FCGRT: variants seen among roughly 807,000 people sequenced by gnomAD.
FCGRT encodes the protein Fc gamma receptor and transporter.
Under a neutral mutation model 35.7 loss-of-function variants are expected in FCGRT, and 13 were observed. The ratio of observed to expected loss-of-function variants is 0.36; its 90% CI spans 0.24 to 0.58. The LOEUF (loss-of-function observed/expected upper bound fraction) is 0.58, where lower values mean the gene tolerates loss of function less well. FCGRT is among the 20% of genes least tolerant of loss of function. The pLI is 0.77. For missense variants in FCGRT, 455 were observed against 474.9 expected (o/e 0.96, Z 0.39); for synonymous variants, 233 against 216.5 (o/e 1.08, Z -0.67).
rs570151737 is a variant in FCGRT, at chr19:49,523,888, T to C, written c.602-619T>C. On this transcript the variant is annotated intron_variant, in intron 4 of 6. Transcript: ENST00000221466. ...AAAAAAAAAAAAATTTAAATAGTTA[T>C]AGGACTACAGACGTTTTAAATTTCC... Among the ~76,000 whole-genome samples, 6 of 151,766 alleles carry C rather than the reference T, an allele frequency of 4.0e-5. No individual in the cohort carries two copies. In the South Asian group the frequency reaches 8.3e-4, roughly 21 times the overall value.
rs542511062 is a variant in FCGRT, at chr19:49,519,042, C to T, written c.601+4556C>T. On this transcript the variant is annotated intron_variant, in intron 4 of 6. Transcript: ENST00000221466. The stretch of plus-strand genomic sequence containing the variant: ...TATTTTTAGTAGAGACAGAGTTTCA[C>T]TGTGTTAGGCAGGATGGTCTCGATC... Among the ~76,000 whole-genome samples, 11 of 151,184 alleles carry T rather than the reference C, an allele frequency of 7.3e-5. No individual in the cohort carries two copies. The East Asian group carries it at 2.2e-3, about 30-fold the overall frequency.
In FCGRT at chr19:49,526,383, G is replaced by A. The variant is rs957232259; in HGVS notation, c.*264G>A. ...GGCAGGGGAGGTAAGGGAATAAGTCGGGGGACTGAATGGCGGCTGGGCCTC... is the reference window on the plus strand; with the variant it reads ...GGCAGGGGAGGTAAGGGAATAAGTCAGGGGACTGAATGGCGGCTGGGCCTC... On this transcript the variant is annotated 3_prime_UTR_variant, in exon 7 of 7. Coordinates refer to ENST00000221466, the MANE Select transcript of FCGRT (RefSeq NM_001136019.3). 34 of 492,436 alleles carry A rather than the reference G, an allele frequency of 6.9e-5. No individual in the cohort carries two copies. Among genetic ancestry groups the A allele is most frequent in the African/African-American group, 5.5e-4 (28 of 50,708 alleles). 30.5% of individuals were successfully genotyped at this position (492,436 alleles called of 1,614,324 possible).
At chr19:49,515,942 C>T (rs535713366) in intron 4 of FCGRT, among the ~76,000 whole-genome samples, 35 of 152,326 alleles carry the variant, frequency 2.3e-4, no homozygotes, top group Non-Finnish European at 1.3e-4. Context: ...ATATCACTTC[C>T]TCTGAGAAGC....
chr19:49,520,492 T>C (rs747857189), intron 4 of FCGRT, among the ~76,000 whole-genome samples: 8 of 151,934 alleles, frequency 5.3e-5, no homozygotes, highest in Non-Finnish European at 1.2e-4. Flanking sequence ...ACTACAGGCA[T>C]GCGCTGCCAT....
In FCGRT at chr19:49,525,531, G is replaced by A; in HGVS notation, c.946G>A (p.Gly316Arg). 6.2e-7 allele frequency: 1 copy of A among 1,613,786 alleles called. No individual in the cohort carries two copies. The highest frequency in any genetic ancestry group is 8.5e-7 in the Non-Finnish European group (1 of 1,179,986). The change falls in exon 6 of 7, where the codon GGA becomes AGA. Residue 316 changes from glycine (G) to arginine (R), a missense_variant. Gly to Arg is a moderately radical substitution (Grantham distance 125). Coordinates refer to ENST00000221466, the MANE Select transcript of FCGRT (RefSeq NM_001136019.3). ...CTTGCTACTCACGGCAGCGGCTGTA[G>A]GAGGAGCTCTGTTGTGGAGAAGGAT... ...GVLLLTAAAV[G>R]GALLWRRMRS... is the part of the protein sequence containing the mutation.
At chr19:49,523,277 AT>A (rs1280526173) in intron 4 of FCGRT, among the ~76,000 whole-genome samples, 3 of 152,106 alleles carry the variant, frequency 2.0e-5, no homozygotes, top group South Asian at 2.1e-4. Context: ...TGGATTAAAA[AT>A]TTTAAATAGG....
rs558501032 is a variant in FCGRT, at chr19:49,514,604, C to A, written c.601+118C>A. 3.3e-5 allele frequency: 34 copies of A among 1,018,518 alleles called. 1 individual carries two copies. Among genetic ancestry groups the A allele is most frequent in the Non-Finnish European group, 4.6e-5 (33 of 724,088 alleles). The allele number at this position is 1,018,518 out of a possible 1,614,324, so 63.1% of individuals were successfully genotyped here. ...CCACTGCAGCCCACGCTCTGCCCCCCCATTCCTCAGGGGTCCTTCTACACT... is the reference window on the plus strand; with the variant it reads ...CCACTGCAGCCCACGCTCTGCCCCCACATTCCTCAGGGGTCCTTCTACACT... On this transcript the variant is annotated intron_variant, in intron 4 of 6. Transcript: ENST00000221466.
intron 4 of FCGRT, among the ~76,000 whole-genome samples, chr19:49,523,106 G>T (rs1007130981): frequency 1.6e-4 from 24 of 152,024 alleles, no homozygotes; most frequent in Admixed American, 5.2e-4. Context: ...GTGCTTTGTT[G>T]TCAAGATGAT....
intron 4 of FCGRT, among the ~76,000 whole-genome samples, chr19:49,520,033 A>G (rs1002625421): frequency 3.4e-5 from 5 of 146,448 alleles, no homozygotes; most frequent in African/African-American, 5.1e-5. Flanking sequence ...GGGTTTCACT[A>G]TGTTGGGCAG....
In FCGRT at chr19:49,524,058, G is replaced by A. The variant is rs145313705; in HGVS notation, c.602-449G>A. On this transcript the variant is annotated intron_variant, in intron 4 of 6. Coordinates refer to ENST00000221466, the MANE Select transcript of FCGRT (RefSeq NM_001136019.3). ...TTCTGAGACGGGGTCTCACTCTGTCGCCCAGGCTGGAGTGCAGTGGCACGA... is the reference window on the plus strand; with the variant it reads ...TTCTGAGACGGGGTCTCACTCTGTCACCCAGGCTGGAGTGCAGTGGCACGA... Among the ~76,000 whole-genome samples, 933 of 144,182 alleles carry A rather than the reference G, an allele frequency of 6.5e-3. 8 individuals are homozygous for A. The highest frequency in any genetic ancestry group is 0.023 in the African/African-American group (889 of 38,838). The allele number at this position is 144,182 out of a possible 152,430, so 94.6% of individuals were successfully genotyped here.
At chr19:49,522,770 C>CTTTTTTTTTTTTTTT (rs746958247) in intron 4 of FCGRT, among the ~76,000 whole-genome samples, 1 of 66,626 alleles carries the variant, frequency 1.5e-5, no homozygotes. Flanking sequence ...CTTAAGCTCT[C>CTTTTTTTTTTTTTTT]TTTTTTTTTT....
chr19:49,517,095 G>T (rs1189590859), intron 4 of FCGRT, among the ~76,000 whole-genome samples: 1 of 152,100 alleles, frequency 6.6e-6, no homozygotes, highest in Non-Finnish European at 1.5e-5. Context: ...GGAGGCTATG[G>T]CAGGAGGATC....
rs779118203 is a variant in FCGRT at position 49,526,103 on chromosome 19, T to C, written c.1082T>C (p.Ile361Thr). The change falls in exon 7 of 7, where the codon ATT (isoleucine) becomes ACT (threonine). Residue 361 changes from isoleucine to threonine, a missense_variant. This residue lies in a region of FCGRT where 312 missense variants were observed against 296.1 expected (regional missense o/e 1.05). Transcript: ENST00000221466. ...QDADLKDVNV[I>T]PATA is the part of the protein sequence containing the mutation. The stretch of plus-strand genomic sequence containing the variant: ...GCTGATTTGAAGGATGTAAATGTGA[T>C]TCCAGCCACCGCCTGACCATCCGCC... 3 of 1,611,872 alleles carry C rather than the reference T, an allele frequency of 1.9e-6. No individual in the cohort carries two copies. In the Admixed American group the frequency reaches 5.0e-5, roughly 27 times the overall value.
At position 49,514,707 on chromosome 19, in the gene FCGRT, T is replaced by G. The variant is rs868365606; in HGVS notation, c.601+221T>G. On this transcript the variant is annotated intron_variant, in intron 4 of 6. Transcript: ENST00000221466. Reference sequence around the variant, plus strand: ...CCTTGCCTTCTTTTTTTTTTTTTTTTTGTGAGACGGAGTTTCGCTCTTGTT... The same window carrying G: ...CCTTGCCTTCTTTTTTTTTTTTTTTGTGTGAGACGGAGTTTCGCTCTTGTT... Among the ~76,000 whole-genome samples, 917 of 150,626 alleles carry G rather than the reference T, an allele frequency of 6.1e-3. 4 individuals are homozygous for G. The highest frequency in any genetic ancestry group is 0.021 in the Middle Eastern group (6 of 292).
chr19:49,514,431 C>T lies in FCGRT; in HGVS notation c.546C>T (p.Cys182=). 2 of 1,587,312 alleles carry T rather than the reference C, an allele frequency of 1.3e-6. No homozygotes were observed. Among genetic ancestry groups the T allele is most frequent in the African/African-American group, 2.7e-5 (2 of 74,596 alleles). Residue 182 remains cysteine (C), a synonymous_variant, in exon 4 of 7, where the codon TGC becomes TGT. Transcript: ENST00000221466. The part of the protein sequence containing the change: ...NKELTFLLFS[C]PHRLREHLER... ...AGCTCACCTTCCTGCTATTCTCCTG[C>T]CCGCACCGCCTGCGGGAGCACCTGG...
In FCGRT at chr19:49,526,215, G is replaced by GGGTTC; in HGVS notation, c.*97_*101dup. ...ACTGGCATCTCTGAGCCTCCAGAAG[G>GGGTTC]GGTTCTGGGCCTAGTTGTCCTCCCT... On this transcript the variant is annotated 3_prime_UTR_variant, in exon 7 of 7. Coordinates refer to ENST00000221466, the MANE Select transcript of FCGRT (RefSeq NM_001136019.3). 1 of 827,588 alleles carries GGGTTC rather than the reference G, an allele frequency of 1.2e-6. No individual in the cohort carries two copies. 51.3% of individuals were successfully genotyped at this position (827,588 alleles called of 1,614,324 possible).
intron 4 of FCGRT, among the ~76,000 whole-genome samples, chr19:49,518,710 T>G (rs1212780495): frequency 6.6e-6 from 1 of 152,036 alleles, no homozygotes; most frequent in Non-Finnish European, 1.5e-5. Context: ...ATTTTTTGTA[T>G]CTTTAGTAGA....
At chr19:49,525,299 A>G (rs1182761010) in intron 5 of FCGRT, 158 bp from the exon 6 acceptor site, 1 of 681,308 alleles carries the variant, frequency 1.5e-6, no homozygotes, top group Non-Finnish European at 2.7e-6. Flanking sequence ...ACCTGGGGGC[A>G]GTCTGCCCAG....
intron 4 of FCGRT, chr19:49,520,644 C>T (rs1336277926): frequency 6.6e-6 from 1 of 152,336 alleles, no homozygotes; most frequent in East Asian, 1.9e-4. Context: ...CCATGCCTGA[C>T]CTGGTTTGGT....
Sources: gnomAD v4.1 joint callset for allele counts (sites outside exome capture counted in the v4.1 genomes callset) on GRCh38, gnomAD v4.1.1 for gene constraint, gnomAD v4.1.1 regional missense constraint, MANE v1.5 for transcripts, NCBI Gene and HGNC (gene_info 2026-07-23, HGNC 2026-07-21) for gene names.